Variants in XPO6 observed in about 807,000 individuals in gnomAD.
XPO6 encodes exportin 6, also known as exportin-6.
XPO6 carries 3 observed loss-of-function variants against 130.0 expected under a neutral mutation model. The ratio of observed to expected loss-of-function variants is 0.02; its 90% CI spans 0.01 to 0.06. XPO6 has a LOEUF of 0.06. Among genes scored for constraint, XPO6 ranks in the 10% least tolerant of loss-of-function variants. The pLI, the probability that XPO6 is intolerant of heterozygous loss-of-function variation, is 1.00. For synonymous variants in XPO6, 524 were observed against 548.9 expected, an observed-to-expected ratio of 0.95 and a Z score of 0.63; for missense variants, 970 against 1,393.0, an observed-to-expected ratio of 0.70 and a Z score of 4.83.
chr16:28,203,933 C>G (rs1206789095), intron 1 of XPO6, among the ~76,000 whole-genome samples: 1 of 152,158 alleles, frequency 6.6e-6, no homozygotes, highest in East Asian at 1.9e-4. Flanking sequence ...GCCAAACTCC[C>G]TAGGGTAGTA....
chr16:28,117,755 CA>C (rs1033255894), intron 14 of XPO6, among the ~76,000 whole-genome samples: 8 of 152,274 alleles, frequency 5.3e-5, no homozygotes, highest in African/African-American at 1.9e-4. Context: ...ATTATAAAAG[CA>C]AAATCAAAGA....
Position 28,169,907 on chromosome 16 carries a change from C to G in XPO6, c.408G>C (p.Leu136Phe). 1 of 1,613,830 alleles carries G rather than the reference C, an allele frequency of 6.2e-7. No individual in the cohort carries two copies. The change falls in exon 5 of 24, where the codon TTG (leucine) becomes TTC (phenylalanine). Residue 136 changes from leucine (L) to phenylalanine (F), a missense_variant and splice_region_variant. Physicochemically the swap from Leu to Phe is conservative, Grantham distance 22. Transcript: ENST00000304658. ...YHDFFTNILQ[L>F]IQSPVTTPLG... ...GGGGGGTTGTCACAGGGGACTGGAT[C>G]AACTGCCAGGAAAAAGCATGTTCTG...
In XPO6 at chr16:28,181,007, C is replaced by A; in HGVS notation, c.28G>T (p.Ala10Ser). ...AATTCTGTCATCAGACTTTCCAATG[C>A]CCTGAGAGAGGCTTCTTCAGATGCC... is the stretch of plus-strand genomic sequence containing the variant. MASEEASLR[A>S]LESLMTEFFH... Residue 10 changes from alanine (A) to serine (S), a missense_variant, in exon 2 of 24, where the codon GCA (alanine) becomes TCA (serine). Around this residue, in one of 4 missense-constraint regions of XPO6, gnomAD observed 21 missense variants for 34.8 expected, o/e 0.60. Transcript: ENST00000304658. 1 of 1,612,994 alleles carries A rather than the reference C, an allele frequency of 6.2e-7. No homozygotes were observed. The highest frequency in any genetic ancestry group is 1.1e-5 in the South Asian group (1 of 90,822).
In XPO6 at chr16:28,121,693, T is replaced by C. The variant is rs2087244853; in HGVS notation, c.1836A>G (p.Val612=). Reference sequence around the variant, plus strand: ...ACACATCAATGAGGTCAGGTTTCAATACTGATGGCACAGCAGTTTCAATGT... The same window carrying C: ...ACACATCAATGAGGTCAGGTTTCAACACTGATGGCACAGCAGTTTCAATGT... The part of the protein sequence containing the change: ...LYNIETAVPS[V]LKPDLIDVHA... Residue 612 remains valine (V), a synonymous_variant, in exon 14 of 24, where the codon GTA becomes GTG. Coordinates refer to ENST00000304658, the MANE Select transcript of XPO6 (RefSeq NM_015171.4). 6.2e-7 allele frequency: 1 copy of C among 1,613,670 alleles called. No homozygotes were observed. The highest frequency in any genetic ancestry group is 8.5e-7 in the Non-Finnish European group (1 of 1,179,580).
chr16:28,159,956 C>T (rs1185670271), intron 6 of XPO6, among the ~76,000 whole-genome samples: 1 of 152,078 alleles, frequency 6.6e-6, no homozygotes. Context: ...GAGGCCAAGG[C>T]GGGCAAATCA....
intron 7 of XPO6, chr16:28,154,449 G>C (rs1270661437): frequency 7.2e-6 from 2 of 278,800 alleles, no homozygotes; most frequent in African/African-American, 2.3e-5. Flanking sequence ...AGAAAGTTAG[G>C]GGAAAAGGCA....
chr16:28,171,469 A>AAAG (rs2043448860), intron 4 of XPO6, among the ~76,000 whole-genome samples: 2 of 145,718 alleles, frequency 1.4e-5, no homozygotes, highest in Non-Finnish European at 3.0e-5. Context: ...AAAAAAAAAA[A>AAAG]AAAAGAAAAA....
intron 12 of XPO6, among the ~76,000 whole-genome samples, chr16:28,130,656 A>G (rs2141282023): frequency 6.6e-6 from 1 of 152,298 alleles, no homozygotes; most frequent in Middle Eastern, 3.4e-3. Context: ...AGTGCTGAGG[A>G]TGAGATTTAT....
chr16:28,113,972 G>C (rs2086992447), intron 15 of XPO6, among the ~76,000 whole-genome samples: 1 of 152,072 alleles, frequency 6.6e-6, no homozygotes, highest in African/African-American at 2.4e-5. Context: ...AAAATGTTAT[G>C]TATGACTAAA....
chr16:28,165,439 G>A (rs1396401651), intron 6 of XPO6: 2 of 152,126 alleles, frequency 1.3e-5, no homozygotes, highest in Admixed American at 1.3e-4. Context: ...TTTCCTATGA[G>A]CTTATAATGC....
chr16:28,180,265 T>G (rs1262727106), intron 2 of XPO6, among the ~76,000 whole-genome samples: 1 of 152,120 alleles, frequency 6.6e-6, no homozygotes, highest in Non-Finnish European at 1.5e-5. Context: ...CTCGGGAGGC[T>G]GAGACAGGAG....
chr16:28,109,343 C>T (rs1348980881), intron 17 of XPO6, among the ~76,000 whole-genome samples: 89 of 149,004 alleles, frequency 6.0e-4, no homozygotes, highest in African/African-American at 2.2e-3. Context: ...GGCAATGCAG[C>T]AAAGTGGTGC....
At chr16:28,172,796 A>C (rs1470148778) in intron 4 of XPO6, among the ~76,000 whole-genome samples, 1 of 152,182 alleles carries the variant, frequency 6.6e-6, no homozygotes, top group Non-Finnish European at 1.5e-5. Context: ...GCCAAAAAAA[A>C]ACCCTTGAGA....
At chr16:28,113,420 G>T (rs142708920) in intron 15 of XPO6, among the ~76,000 whole-genome samples, 7 of 152,262 alleles carry the variant, frequency 4.6e-5, no homozygotes, top group Non-Finnish European at 8.8e-5. Flanking sequence ...GCAGAGCCAA[G>T]ATCTCCCCGA....
intron 1 of XPO6, among the ~76,000 whole-genome samples, chr16:28,199,401 A>C (rs967460983): frequency 2.0e-5 from 3 of 152,080 alleles, no homozygotes; most frequent in African/African-American, 7.2e-5. Context: ...CAGCCTCCTG[A>C]GTTGCTGGGA....
chr16:28,197,914 TAAAAAAAA>T (rs56896819), intron 1 of XPO6, among the ~76,000 whole-genome samples: 760 of 45,742 alleles, frequency 0.017, 17 homozygotes, highest in African/African-American at 0.069. Context: ...GAGAGACTCT[TAAAAAAAA>T]AAAAAAAAAA....
intron 11 of XPO6, among the ~76,000 whole-genome samples, chr16:28,133,407 G>A (rs1327962857): frequency 6.6e-6 from 1 of 152,066 alleles, no homozygotes; most frequent in East Asian, 1.9e-4. Flanking sequence ...AAATCTCTTT[G>A]AATAACACGC....
intron 4 of XPO6, 61 bp downstream of exon 4, chr16:28,175,836 GA>G: frequency 1.3e-6 from 2 of 1,504,894 alleles, no homozygotes; most frequent in South Asian, 2.3e-5. Flanking sequence ...TCAGGACAAG[GA>G]AATAATCACT....
At chr16:28,208,209 A>G (rs1253224649) in intron 1 of XPO6, among the ~76,000 whole-genome samples, 1 of 152,224 alleles carries the variant, frequency 6.6e-6, no homozygotes, top group East Asian at 1.9e-4. Flanking sequence ...GATGCTTAAT[A>G]AGTGGTAGTT....
Sources: gnomAD v4.1 joint callset for allele counts (sites outside exome capture counted in the v4.1 genomes callset) on GRCh38, gnomAD v4.1.1 for gene constraint, gnomAD v4.1.1 regional missense constraint, MANE v1.5 for transcripts, NCBI Gene and HGNC (gene_info 2026-07-23, HGNC 2026-07-21) for gene names.